COL28A1: variants seen among roughly 807,000 people sequenced by gnomAD.
COL28A1 encodes the protein collagen type XXVIII alpha 1 chain.
A neutral mutation model predicts 150.2 loss-of-function variants in COL28A1; 161 were observed. That is an observed-to-expected ratio of 1.07 (90% CI 0.94 to 1.22). The LOEUF is 1.22. Among genes scored for constraint, COL28A1 ranks in the 50% most tolerant of loss-of-function variants. The pLI is 0.00. For synonymous variants in COL28A1, 552 were observed against 469.7 expected, an observed-to-expected ratio of 1.18 and a Z score of -2.26; for missense variants, 1,617 against 1,388.3, an observed-to-expected ratio of 1.16 and a Z score of -2.62.
At chr7:7,522,247 A>T (rs1414230266) in intron 4 of COL28A1, among the ~76,000 whole-genome samples, 1 of 152,184 alleles carries the variant, frequency 6.6e-6, no homozygotes, top group Non-Finnish European at 1.5e-5. Flanking sequence ...AATAAAAGAC[A>T]TCCCATCAAA....
At chr7:7,370,048 A>G (rs1056310454) in intron 33 of COL28A1, among the ~76,000 whole-genome samples, 6 of 152,248 alleles carry the variant, frequency 3.9e-5, no homozygotes, top group Admixed American at 2.6e-4. Context: ...AAAAAAACTA[A>G]TATTTGCCCA....
intron 15 of COL28A1, among the ~76,000 whole-genome samples, chr7:7,466,048 C>A (rs1178919013): frequency 8.4e-5 from 11 of 130,682 alleles, no homozygotes; most frequent in African/African-American, 3.2e-4. Flanking sequence ...CGCAGAGCGC[C>A]TCTCCTCCTC....
chr7:7,537,783 C>T (rs540082640), upstream of COL28A1, among the ~76,000 whole-genome samples: 6 of 152,132 alleles, frequency 3.9e-5, no homozygotes, highest in Non-Finnish European at 7.3e-5. Context: ...TCCTAGGGAA[C>T]AACCATGTAT....
chr7:7,384,894 TAG>T (rs1473936000), intron 27 of COL28A1, among the ~76,000 whole-genome samples: 1 of 152,104 alleles, frequency 6.6e-6, no homozygotes, highest in Non-Finnish European at 1.5e-5. Context: ...ACTCCCAACA[TAG>T]GTGTCATGAA....
chr7:7,510,380 G>A (rs952856713), intron 9 of COL28A1, among the ~76,000 whole-genome samples: 1 of 152,164 alleles, frequency 6.6e-6, no homozygotes, highest in East Asian at 1.9e-4. Flanking sequence ...TGCCTCCTGG[G>A]TTCAAGCAAT....
At position 7,534,076 on chromosome 7, in the gene COL28A1, C is replaced by A. The variant is rs147411525; in HGVS notation, c.-37-1164G>T. Among the ~76,000 whole-genome samples, 17 of 152,172 alleles carry A rather than the reference C, an allele frequency of 1.1e-4. No individual in the cohort carries two copies. The East Asian group carries it at 3.3e-3, about 29-fold the overall frequency. ...TGGAGACTGACTTTTTTCATACATG[C>A]CAGATGGATAAACCCCAAAGGGAAA... On this transcript the variant is annotated intron_variant, in intron 1 of 34. Transcript: ENST00000399429.
At chr7:7,412,062 C>G (rs1046922497) in intron 27 of COL28A1, among the ~76,000 whole-genome samples, 1 of 152,112 alleles carries the variant, frequency 6.6e-6, no homozygotes, top group South Asian at 2.1e-4. Flanking sequence ...GGTTCCTTTT[C>G]CTCCTGGGCA....
chr7:7,385,344 A>T (rs1245764575), intron 27 of COL28A1, among the ~76,000 whole-genome samples: 1 of 152,166 alleles, frequency 6.6e-6, no homozygotes, highest in East Asian at 1.9e-4. Flanking sequence ...AAGACAGACT[A>T]AAGGCTCATG....
downstream of COL28A1, among the ~76,000 whole-genome samples, chr7:7,354,337 G>A (rs1031325182): frequency 1.3e-5 from 2 of 152,094 alleles, no homozygotes; most frequent in African/African-American, 4.8e-5. Flanking sequence ...CAATGTTACT[G>A]GAAAAGGGGT....
At chr7:7,378,301 T>C (rs1444184177) in intron 30 of COL28A1, among the ~76,000 whole-genome samples, 3 of 152,186 alleles carry the variant, frequency 2.0e-5, no homozygotes, top group Non-Finnish European at 4.4e-5. Flanking sequence ...ATAAAAACAC[T>C]ATTTTTTCAT....
chr7:7,425,071 TAATA>T (rs1403191013), intron 25 of COL28A1, among the ~76,000 whole-genome samples: 6 of 151,870 alleles, frequency 4.0e-5, no homozygotes, highest in Non-Finnish European at 8.8e-5. Flanking sequence ...AAAACTATTA[TAATA>T]AATAATAAAT....
chr7:7,446,073 T>C (rs1562676997), intron 18 of COL28A1, among the ~76,000 whole-genome samples: 1 of 152,042 alleles, frequency 6.6e-6, no homozygotes, highest in South Asian at 2.1e-4. Context: ...GGTCAGGCTG[T>C]TCTTGACCTC....
At chr7:7,457,324 G>A (rs533247689) in intron 15 of COL28A1, among the ~76,000 whole-genome samples, 1 of 152,180 alleles carries the variant, frequency 6.6e-6, no homozygotes, top group Non-Finnish European at 1.5e-5. Flanking sequence ...AGTGGAGGTG[G>A]TGGGGAGTGC....
intron 23 of COL28A1, among the ~76,000 whole-genome samples, chr7:7,433,287 C>T (rs1254199521): frequency 2.0e-5 from 3 of 152,006 alleles, no homozygotes; most frequent in Admixed American, 1.3e-4. Context: ...CAGAAAATTT[C>T]TGACTCAAGT....
At chr7:7,400,323 GACAGGA>G (rs1318044693) in intron 27 of COL28A1, among the ~76,000 whole-genome samples, 1 of 152,150 alleles carries the variant, frequency 6.6e-6, no homozygotes, top group Non-Finnish European at 1.5e-5. Context: ...AGATTTGACA[GACAGGA>G]GAGAAGAAGG....
intron 5 of COL28A1, 126 bp downstream of exon 5, chr7:7,521,778 CA>C: frequency 1.5e-6 from 1 of 680,780 alleles, no homozygotes; most frequent in Non-Finnish European, 2.7e-6. Flanking sequence ...GTAGCATTTC[CA>C]TTTTTCCTCC....
intron 11 of COL28A1, among the ~76,000 whole-genome samples, chr7:7,500,322 C>A (rs1180485757): frequency 1.3e-5 from 2 of 152,218 alleles, no homozygotes; most frequent in Non-Finnish European, 2.9e-5. Context: ...TTCACTCATT[C>A]ATTCAAGAAA....
At chr7:7,386,196 C>T (rs1782169954) in intron 27 of COL28A1, among the ~76,000 whole-genome samples, 1 of 152,130 alleles carries the variant, frequency 6.6e-6, no homozygotes, top group African/African-American at 2.4e-5. Flanking sequence ...TGCACATCTA[C>T]CTGAATGTTT....
At chr7:7,477,766 G>C (rs10240375) in intron 13 of COL28A1, among the ~76,000 whole-genome samples, 1 of 152,180 alleles carries the variant, frequency 6.6e-6, no homozygotes, top group South Asian at 2.1e-4. Context: ...AGCTTCCACG[G>C]TATGGAAACG....
Sources: allele counts gnomAD v4.1 joint callset (sites outside exome capture counted in the v4.1 genomes callset), GRCh38; gene constraint gnomAD v4.1.1; transcripts MANE v1.5; gene names NCBI Gene and HGNC (gene_info 2026-07-23, HGNC 2026-07-21).